The following ASB17 variants were observed in gnomAD, a reference collection of about 807,000 sequenced individuals.
ASB17 encodes the protein ankyrin repeat and SOCS box containing 17.
Under a neutral mutation model 25.7 loss-of-function variants are expected in ASB17, and 26 were observed. That is an observed-to-expected ratio of 1.01 (90% CI 0.74 to 1.40). The LOEUF (loss-of-function observed/expected upper bound fraction) is 1.40. Among genes scored for constraint, ASB17 ranks in the 40% most tolerant of loss-of-function variants. The pLI is 0.00. For synonymous variants in ASB17, 128 were observed against 121.4 expected (o/e 1.05, Z -0.36); for missense variants, 326 against 338.5 (o/e 0.96, Z 0.29).
At chr1:75,925,368 G>T (rs894633887) in intron 1 of ASB17, among the ~76,000 whole-genome samples, 23 of 151,766 alleles carry the variant, frequency 1.5e-4, no homozygotes, top group African/African-American at 5.6e-4. Flanking sequence ...TACCATAAGT[G>T]GTCATTATTA....
At chr1:75,930,389 A>G (rs1653293673) in intron 1 of ASB17, among the ~76,000 whole-genome samples, 1 of 148,994 alleles carries the variant, frequency 6.7e-6, no homozygotes, top group Admixed American at 6.7e-5. Context: ...ACACTAGGAA[A>G]AACAAGGACC....
At chr1:75,920,763 T>G (rs1282387497) in intron 2 of ASB17, among the ~76,000 whole-genome samples, 1 of 147,238 alleles carries the variant, frequency 6.8e-6, no homozygotes, top group South Asian at 2.1e-4. Context: ...CTAGTGCTTT[T>G]CTTTTCTTTT....
chr1:75,919,256 C>A (rs1416469053), intron 2 of ASB17, 98 bp from the exon 3 acceptor site: 5 of 860,210 alleles, frequency 5.8e-6, no homozygotes, highest in African/African-American at 1.7e-5. Context: ...AGAAAATAGA[C>A]CATAAATTTA....
intron 1 of ASB17, among the ~76,000 whole-genome samples, chr1:75,923,234 A>G (rs992262046): frequency 6.6e-5 from 10 of 152,116 alleles, no homozygotes; most frequent in Non-Finnish European, 4.4e-5. Flanking sequence ...AGGAAATGTA[A>G]ATTATAGTGA....
chr1:75,921,672 A>C (rs2100608456), intron 2 of ASB17, among the ~76,000 whole-genome samples: 1 of 152,280 alleles, frequency 6.6e-6, no homozygotes, highest in South Asian at 2.1e-4. Flanking sequence ...TGAGAACTTG[A>C]ATGGAAAAAA....
At chr1:75,930,660 C>G (rs1424185866) in intron 1 of ASB17, among the ~76,000 whole-genome samples, 2 of 152,120 alleles carry the variant, frequency 1.3e-5, no homozygotes, top group African/African-American at 2.4e-5. Context: ...TGTCTTAAGA[C>G]AGTTGTTAAT....
At chr1:75,920,807 C>G (rs1653005593) in intron 2 of ASB17, among the ~76,000 whole-genome samples, 1 of 150,954 alleles carries the variant, frequency 6.6e-6, no homozygotes. Flanking sequence ...CGGAGTCCCG[C>G]TCTTTCGCCC....
chr1:75,932,034 G>A lies in ASB17; in HGVS notation c.258C>T (p.Asn86=), dbSNP rs182689417. The A allele has an allele frequency of 6.2e-7, 1 of 1,614,094 alleles. No individual in the cohort carries two copies. Among genetic ancestry groups the A allele is most frequent in the Non-Finnish European group, 8.5e-7 (1 of 1,179,994 alleles). The change falls in exon 1 of 3, where the codon AAC becomes AAT. Residue 86 remains asparagine (N), a synonymous_variant. Coordinates refer to ENST00000284142, the MANE Select transcript of ASB17 (RefSeq NM_080868.3). ...KSGYRFEVSF[N]LDFTEICVNT... ...TCACACATATTTCAGTGAAGTCGAGGTTAAAACTTACTTCAAAACGGTATC... is the reference window on the plus strand; with the variant it reads ...TCACACATATTTCAGTGAAGTCGAGATTAAAACTTACTTCAAAACGGTATC...
At chr1:75,926,614 G>A (rs959738155) in intron 1 of ASB17, among the ~76,000 whole-genome samples, 1 of 152,220 alleles carries the variant, frequency 6.6e-6, no homozygotes, top group African/African-American at 2.4e-5. Context: ...GAGGTTTTGA[G>A]TAGAAGAGTA....
chr1:75,931,782 C>A, intron 1 of ASB17, 109 bp downstream of exon 1: 1 of 974,402 alleles, frequency 1.0e-6, no homozygotes. Context: ...GTGAGAATTC[C>A]TTACTTCACA....
Position 75,922,251 on chromosome 1 carries a change from T to A in ASB17, c.510A>T (p.Gly170=). ...SNIFKILLQY[G]ILEREKNPIN... ...TAGGGTTTTTTTCTCTTTCTAAGAT[T>A]CCATATTGCAGTAGTATTTTGAAGA... The change falls in exon 2 of 3, where the codon GGA becomes GGT. Residue 170 remains glycine, a synonymous_variant. Transcript: ENST00000284142. 4 of 1,613,584 alleles carry A rather than the reference T, an allele frequency of 2.5e-6. No homozygotes were observed. The highest frequency in any genetic ancestry group is 2.5e-6 in the Non-Finnish European group (3 of 1,179,636).
intron 2 of ASB17, 84 bp from the exon 3 acceptor site, chr1:75,919,242 AT>A: frequency 1.0e-6 from 1 of 955,472 alleles, no homozygotes; most frequent in Non-Finnish European, 1.5e-6. Flanking sequence ...TTTAATTTAA[AT>A]TTAGAAAATA....
intron 1 of ASB17, among the ~76,000 whole-genome samples, chr1:75,924,779 C>T (rs1020487285): frequency 1.5e-4 from 23 of 151,848 alleles, no homozygotes; most frequent in Admixed American, 6.6e-5. Context: ...TTTCACATTT[C>T]TTTACTTTGT....
At chr1:75,920,488 T>C (rs1652997265) in intron 2 of ASB17, among the ~76,000 whole-genome samples, 2 of 152,234 alleles carry the variant, frequency 1.3e-5, no homozygotes, top group Non-Finnish European at 2.9e-5. Context: ...ACACATCCTC[T>C]GTGCTTACAA....
intron 1 of ASB17, among the ~76,000 whole-genome samples, chr1:75,927,933 T>G (rs988026214): frequency 2.0e-5 from 3 of 152,192 alleles, no homozygotes; most frequent in African/African-American, 4.8e-5. Flanking sequence ...TACTACATGA[T>G]TCCTATCTCA....
chr1:75,927,790 G>T (rs1383766815), intron 1 of ASB17, among the ~76,000 whole-genome samples: 8 of 152,060 alleles, frequency 5.3e-5, no homozygotes, highest in Admixed American at 5.2e-4. Context: ...CTTCAAATGG[G>T]GCTGATAAAT....
At position 75,932,241 on chromosome 1, in the gene ASB17, A is replaced by T. The variant is rs764972679; in HGVS notation, c.51T>A (p.Asn17Lys). The change falls in exon 1 of 3, where the codon AAT (asparagine) becomes AAA (lysine). Residue 17 changes from asparagine (N) to lysine (K), a missense_variant. Asn to Lys is a moderately conservative substitution (Grantham distance 94, BLOSUM62 0). Coordinates refer to ENST00000284142, the MANE Select transcript of ASB17 (RefSeq NM_080868.3). The part of the protein sequence containing the change: ...LCGKTSCPRS[N>K]IFCNLLDKIV... ...TTTTGTCAAGGAGATTGCAGAATAT[A>T]TTGCTTCTTGGACAAGAAGTCTTAC... 3 of 1,613,494 alleles carry T rather than the reference A, an allele frequency of 1.9e-6. No homozygotes were observed. Among genetic ancestry groups the T allele is most frequent in the Non-Finnish European group, 2.5e-6 (3 of 1,179,764 alleles).
At chr1:75,923,911 A>G (rs1653096540) in intron 1 of ASB17, among the ~76,000 whole-genome samples, 1 of 152,144 alleles carries the variant, frequency 6.6e-6, no homozygotes, top group African/African-American at 2.4e-5. Context: ...TGTACTGAGA[A>G]GTAGATACAC....
intron 1 of ASB17, among the ~76,000 whole-genome samples, chr1:75,931,497 A>G (rs1337184210): frequency 6.6e-6 from 1 of 152,198 alleles, no homozygotes; most frequent in Non-Finnish European, 1.5e-5. Flanking sequence ...AAGTATTACT[A>G]TGTGAAGATG....
Sources: allele counts gnomAD v4.1 joint callset (sites outside exome capture counted in the v4.1 genomes callset), GRCh38; gene constraint gnomAD v4.1.1; transcripts MANE v1.5; gene names NCBI Gene and HGNC (gene_info 2026-07-23, HGNC 2026-07-21).